The following KANSL1 variants were observed in gnomAD, a reference collection of about 807,000 sequenced individuals.
KANSL1 encodes KAT8 regulatory NSL complex subunit 1.
In KANSL1, 22 loss-of-function variants were observed where a neutral mutation model predicts 103.6. That is an observed-to-expected ratio of 0.21 (90% confidence interval 0.15 to 0.30). The LOEUF is 0.30. KANSL1 is among the 10% of genes least tolerant of loss of function. KANSL1 has a pLI of 1.00. For missense variants in KANSL1, 1,337 were observed against 1,399.8 expected (o/e 0.96, Z 0.72); for synonymous variants, 600 against 527.6 (o/e 1.14, Z -1.88).
At chr17:46,063,896 G>T (rs1175553937) in intron 6 of KANSL1, among the ~76,000 whole-genome samples, 10 of 132,858 alleles carry the variant, frequency 7.5e-5, no homozygotes, top group East Asian at 4.2e-4. Context: ...TGAGGTGGCG[G>T]TTTTTTTTTT....
At chr17:46,091,877 G>A (rs545792624) in intron 3 of KANSL1, among the ~76,000 whole-genome samples, 2 of 144,280 alleles carry the variant, frequency 1.4e-5, no homozygotes, top group East Asian at 3.9e-4. Flanking sequence ...GGAGTGCAGT[G>A]TCGCGATCTC....
Position 46,170,966 on chromosome 17 carries a change from C to T in KANSL1, c.1178G>A (p.Cys393Tyr). 6.2e-7 allele frequency: 1 copy of T among 1,614,182 alleles called. No individual in the cohort carries two copies. Among genetic ancestry groups the T allele is most frequent in the Non-Finnish European group, 8.5e-7 (1 of 1,180,054 alleles). Residue 393 changes from cysteine to tyrosine, a missense_variant, in exon 2 of 15, where the codon TGC becomes TAC. By Grantham distance (194) the Cys-to-Tyr change is radical (BLOSUM62 -2). Coordinates refer to ENST00000432791, the MANE Select transcript of KANSL1 (RefSeq NM_015443.4). ...FTASGIANLR[C>Y]SEQAFDSDVT... is the part of the protein sequence containing the mutation. The stretch of plus-strand genomic sequence containing the variant: ...ATCTGAATCAAATGCCTGTTCACTG[C>T]ACCTCAAGTTGGCTATGCCACTAGC...
intron 1 of KANSL1, among the ~76,000 whole-genome samples, chr17:46,178,474 T>G (rs901539464): frequency 3.3e-5 from 5 of 152,246 alleles, no homozygotes; most frequent in African/African-American, 1.2e-4. Context: ...CAATTTTTAG[T>G]TCATTCAGTT....
chr17:46,047,151 C>T (rs570476712), intron 7 of KANSL1, among the ~76,000 whole-genome samples: 1 of 152,308 alleles, frequency 6.6e-6, no homozygotes, highest in South Asian at 2.1e-4. Context: ...ACACCACATC[C>T]TTATCACAGC....
intron 2 of KANSL1, among the ~76,000 whole-genome samples, chr17:46,117,183 G>A (rs1239734152): frequency 6.6e-6 from 1 of 152,150 alleles, no homozygotes; most frequent in Non-Finnish European, 1.5e-5. Flanking sequence ...GTTATAAATG[G>A]GTATGCAGCT....
intron 2 of KANSL1, among the ~76,000 whole-genome samples, chr17:46,144,877 C>A (rs978104701): frequency 6.6e-6 from 1 of 152,200 alleles, no homozygotes; most frequent in Non-Finnish European, 1.5e-5. Context: ...CAAGGCATTT[C>A]TAACTCCCCA....
intron 1 of KANSL1, among the ~76,000 whole-genome samples, chr17:46,185,401 A>G (rs1407999821): frequency 2.6e-5 from 4 of 152,224 alleles, no homozygotes; most frequent in South Asian, 2.1e-4. Flanking sequence ...CCAGACTAGG[A>G]AACTTTTTAA....
chr17:46,096,023 A>G lies in KANSL1; in HGVS notation c.1290-1322T>C, dbSNP rs2042046320. ...CAACAGGTGGTGAGAAATGGAAAAG[A>G]GCAATTAATATATTGCTGGTAACAG... On this transcript the variant is annotated intron_variant, in intron 2 of 14. Coordinates refer to ENST00000432791, the MANE Select transcript of KANSL1 (RefSeq NM_015443.4). Among the ~76,000 whole-genome samples the G allele has an allele frequency of 2.6e-5, 4 of 152,172 alleles. No homozygotes were observed. The East Asian group carries it at 7.7e-4, about 29-fold the overall frequency.
chr17:46,143,815 A>AAAAAAAAAAAAAAG (rs2044553587), intron 2 of KANSL1, among the ~76,000 whole-genome samples: 1 of 151,238 alleles, frequency 6.6e-6, no homozygotes, highest in African/African-American at 2.4e-5. Context: ...AAAAAAAAAA[A>AAAAAAAAAAAAAAG]AAAAAAAAAA....
intron 6 of KANSL1, among the ~76,000 whole-genome samples, chr17:46,059,647 A>AAAAGAGAGAGAGAGAGAG (rs541946204): frequency 1.1e-4 from 6 of 54,828 alleles, no homozygotes; most frequent in Non-Finnish European, 1.3e-4. Flanking sequence ...AAAAAAAAAA[A>AAAAGAGAGAGAGAGAGAG]AGAGAGAGAG....
rs976058420 is a variant in KANSL1 at position 46,159,336 on chromosome 17, T to C, written c.1289+11519A>G. On this transcript the variant is annotated intron_variant, in intron 2 of 14. Coordinates refer to ENST00000432791, the MANE Select transcript of KANSL1 (RefSeq NM_015443.4). ...GACAAAATGTAACAATTCTTAACAG[T>C]TGTCCAGAATTCTTTCTACTCTCTT... is the stretch of plus-strand genomic sequence containing the variant. Among the ~76,000 whole-genome samples the C allele has an allele frequency of 2.0e-5, 3 of 152,368 alleles. No homozygotes were observed. The South Asian group carries it at 6.2e-4, about 32-fold the overall frequency.
chr17:46,110,606 G>A (rs1427213420), intron 2 of KANSL1, among the ~76,000 whole-genome samples: 1 of 152,190 alleles, frequency 6.6e-6, no homozygotes, highest in African/African-American at 2.4e-5. Flanking sequence ...TCAAAAATAA[G>A]TCAAAGTGGA....
At chr17:46,068,055 T>C (rs904206569) in intron 4 of KANSL1, among the ~76,000 whole-genome samples, 9 of 152,162 alleles carry the variant, frequency 5.9e-5, no homozygotes, top group Admixed American at 2.0e-4. Context: ...TAAAAGTAAG[T>C]ACCTATTGAC....
At chr17:46,060,667 T>C (rs1422770607) in intron 6 of KANSL1, among the ~76,000 whole-genome samples, 1 of 152,248 alleles carries the variant, frequency 6.6e-6, no homozygotes, top group Non-Finnish European at 1.5e-5. Context: ...CTTTTAATAC[T>C]GACTCATATT....
At chr17:46,053,935 C>T (rs540441684) in intron 6 of KANSL1, among the ~76,000 whole-genome samples, 1 of 152,254 alleles carries the variant, frequency 6.6e-6, no homozygotes, top group Admixed American at 6.5e-5. Flanking sequence ...ACAACAAGAA[C>T]ACATACAATA....
intron 2 of KANSL1, among the ~76,000 whole-genome samples, chr17:46,108,886 G>A (rs17577024): frequency 0.14 from 21,666 of 151,928 alleles, 2,125 homozygotes; most frequent in Non-Finnish European, 0.22. Context: ...CTTAGTCCAA[G>A]TATACACAAA....
intron 2 of KANSL1, among the ~76,000 whole-genome samples, chr17:46,101,888 C>G (rs955717516): frequency 3.3e-5 from 5 of 151,272 alleles, no homozygotes; most frequent in Admixed American, 6.6e-5. Context: ...CAGATAAATT[C>G]AGGAAACAAG....
chr17:46,094,501 GA>G (rs2041978915), intron 3 of KANSL1, 58 bp downstream of exon 3: 1 of 1,573,484 alleles, frequency 6.4e-7, no homozygotes, highest in Non-Finnish European at 8.6e-7. Context: ...GGGGATGTGA[GA>G]AAAGCGATAT....
chr17:46,093,693 C>T, intron 3 of KANSL1: 1 of 152,530 alleles, frequency 6.6e-6, no homozygotes, highest in East Asian at 1.9e-4. Context: ...TTTCTTAAGG[C>T]TTTGACTAGT....
Sources: allele counts gnomAD v4.1 joint callset (sites outside exome capture counted in the v4.1 genomes callset), GRCh38; gene constraint gnomAD v4.1.1; transcripts MANE v1.5; gene names NCBI Gene and HGNC (gene_info 2026-07-23, HGNC 2026-07-21).